Variants in RSRC1 observed in about 807,000 individuals in gnomAD.
RSRC1 encodes serine/Arginine-related protein 53.
In RSRC1, 39 loss-of-function variants were observed where a neutral mutation model predicts 49.1. The ratio of observed to expected loss-of-function variants is 0.79; its 90% CI spans 0.61 to 1.04. The LOEUF (loss-of-function observed/expected upper bound fraction) is 1.04, where lower values mean the gene tolerates loss of function less well. Among genes scored for constraint, RSRC1 ranks in the 50% least tolerant of loss-of-function variants. RSRC1 has a pLI of 0.00. For missense variants in RSRC1, 388 were observed against 402.4 expected (o/e 0.96, Z 0.31); for synonymous variants, 143 against 130.8 (o/e 1.09, Z -0.63).
At chr3:158,295,980 G>A (rs1365416582) in intron 4 of RSRC1, among the ~76,000 whole-genome samples, 1 of 151,984 alleles carries the variant, frequency 6.6e-6, no homozygotes, top group Non-Finnish European at 1.5e-5. Flanking sequence ...TTACTAACGT[G>A]TATGATGATG....
chr3:158,171,677 T>C (rs1201048674), intron 3 of RSRC1, among the ~76,000 whole-genome samples: 3 of 152,054 alleles, frequency 2.0e-5, no homozygotes, highest in Middle Eastern at 3.2e-3. Flanking sequence ...TGGCCTGGTG[T>C]GGTGGCTCAC....
At chr3:158,395,678 C>T (rs1733575485) in intron 6 of RSRC1, among the ~76,000 whole-genome samples, 1 of 152,032 alleles carries the variant, frequency 6.6e-6, no homozygotes, top group South Asian at 2.1e-4. Context: ...TAAAAAATAA[C>T]AGGTCCTGGC....
At chr3:158,484,048 T>G (rs147786862) in intron 7 of RSRC1, among the ~76,000 whole-genome samples, 6 of 152,168 alleles carry the variant, frequency 3.9e-5, no homozygotes, top group Non-Finnish European at 8.8e-5. Flanking sequence ...GCCAAGCAAT[T>G]ACTGGTTTAT....
Position 158,405,156 on chromosome 3 carries a change from G to T in RSRC1, c.583+50248G>T, listed in dbSNP as rs528867997. 2.0e-5 allele frequency among the ~76,000 whole-genome samples: 3 copies of T among 152,058 alleles called. No homozygotes were observed. The East Asian group carries it at 5.8e-4, about 29-fold the overall frequency. On this transcript the variant is annotated intron_variant, in intron 6 of 9. Coordinates refer to ENST00000611884, the MANE Select transcript of RSRC1 (RefSeq NM_001271838.2). ...CTTTTTAAGAATTATGACTCTTTAAGTCTCTATTATTATTAAATCAGAAAC... is the reference window on the plus strand; with the variant it reads ...CTTTTTAAGAATTATGACTCTTTAATTCTCTATTATTATTAAATCAGAAAC...
At chr3:158,525,050 C>A (rs1305134301) in intron 7 of RSRC1, among the ~76,000 whole-genome samples, 1 of 151,814 alleles carries the variant, frequency 6.6e-6, no homozygotes. Context: ...AAAGCACAAA[C>A]CATTTTTTAA....
intron 7 of RSRC1, among the ~76,000 whole-genome samples, chr3:158,514,835 CT>C (rs1458747739): frequency 6.6e-6 from 1 of 152,186 alleles, no homozygotes; most frequent in African/African-American, 2.4e-5. Context: ...AGATAGTTAT[CT>C]CTTCTTGTTG....
intron 4 of RSRC1, among the ~76,000 whole-genome samples, chr3:158,229,547 T>C (rs1038111611): frequency 2.0e-5 from 3 of 151,338 alleles, no homozygotes; most frequent in South Asian, 4.2e-4. Flanking sequence ...TTTTTTGTTT[T>C]TTTTTTTTAG....
chr3:158,330,106 G>A (rs1041370559), intron 5 of RSRC1, among the ~76,000 whole-genome samples: 1 of 152,210 alleles, frequency 6.6e-6, no homozygotes, highest in Non-Finnish European at 1.5e-5. Flanking sequence ...GGGTGGGAGT[G>A]ACCCGATTTT....
intron 4 of RSRC1, among the ~76,000 whole-genome samples, chr3:158,247,288 GC>G (rs944969755): frequency 3.3e-5 from 5 of 152,004 alleles, no homozygotes; most frequent in Admixed American, 2.0e-4. Flanking sequence ...CTGATTCTTA[GC>G]TTTTTTGCGT....
intron 7 of RSRC1, among the ~76,000 whole-genome samples, chr3:158,519,649 A>G (rs1160380685): frequency 6.6e-6 from 1 of 152,160 alleles, no homozygotes; most frequent in East Asian, 1.9e-4. Context: ...TTCGTAAGTA[A>G]GAGCATAAAA....
chr3:158,341,840 T>C (rs979223977), intron 5 of RSRC1, among the ~76,000 whole-genome samples: 10 of 152,150 alleles, frequency 6.6e-5, no homozygotes, highest in Non-Finnish European at 1.5e-4. Flanking sequence ...CCAGGCAAAG[T>C]CACGGGGTGG....
rs139585841 is a variant in RSRC1 at position 158,160,834 on chromosome 3, G to A, written c.320+36843G>A. On this transcript the variant is annotated intron_variant, in intron 3 of 9. Transcript: ENST00000611884. ...ATTGTGGAATTATGTTATCATCCTAGGTTACTTTATTTGATTGTCAGCATC... is the reference window on the plus strand; with the variant it reads ...ATTGTGGAATTATGTTATCATCCTAAGTTACTTTATTTGATTGTCAGCATC... Among the ~76,000 whole-genome samples the A allele has an allele frequency of 1.2e-3, 188 of 152,112 alleles. 2 individuals carry two copies. Among genetic ancestry groups the A allele is most frequent in the African/African-American group, 3.5e-3 (144 of 41,498 alleles).
At chr3:158,273,977 A>C (rs1725664199) in intron 4 of RSRC1, among the ~76,000 whole-genome samples, 10 of 152,170 alleles carry the variant, frequency 6.6e-5, no homozygotes, top group Admixed American at 6.6e-4. Context: ...TAAGTGTTAA[A>C]AATTTTATCA....
At chr3:158,429,011 G>C (rs1050084006) in intron 6 of RSRC1, among the ~76,000 whole-genome samples, 2 of 151,834 alleles carry the variant, frequency 1.3e-5, no homozygotes, top group Non-Finnish European at 2.9e-5. Context: ...GAACTTCTCA[G>C]TTCAAATGGC....
chr3:158,358,938 A>ACACG (rs1398306012), intron 6 of RSRC1, among the ~76,000 whole-genome samples: 4 of 151,928 alleles, frequency 2.6e-5, no homozygotes, highest in Non-Finnish European at 5.9e-5. Context: ...ACACACACAC[A>ACACG]CACACACACA....
chr3:158,337,116 A>G (rs1263958711), intron 5 of RSRC1, among the ~76,000 whole-genome samples: 4 of 152,224 alleles, frequency 2.6e-5, no homozygotes, highest in Non-Finnish European at 4.4e-5. Context: ...TGCTGCTCTT[A>G]TGAAGAACAG....
chr3:158,276,046 G>A (rs879120730), intron 4 of RSRC1: 6 of 857,176 alleles, frequency 7.0e-6, no homozygotes, highest in South Asian at 6.5e-5. Context: ...AAATTTCTAT[G>A]TGGGATCTTC....
intron 6 of RSRC1, among the ~76,000 whole-genome samples, chr3:158,419,172 T>G (rs1286322073): frequency 6.6e-6 from 1 of 152,018 alleles, no homozygotes; most frequent in Non-Finnish European, 1.5e-5. Flanking sequence ...TGTTAGAGTG[T>G]AAGTATAATC....
intron 4 of RSRC1, among the ~76,000 whole-genome samples, chr3:158,234,148 A>G (rs1723112473): frequency 6.6e-6 from 1 of 152,170 alleles, no homozygotes. Context: ...GATTATTCAA[A>G]TTGGTTTGTA....
Sources: gnomAD v4.1 joint callset for allele counts (sites outside exome capture counted in the v4.1 genomes callset) on GRCh38, gnomAD v4.1.1 for gene constraint, MANE v1.5 for transcripts, NCBI Gene and HGNC (gene_info 2026-07-23, HGNC 2026-07-21) for gene names.